Variants in HACL2 observed in about 807,000 individuals in gnomAD.
HACL2 encodes 2-hydroxyacyl-CoA lyase 2.
At chr19:15,116,310 G>A in the HACL2 span, 2 of 1,613,804 alleles carry the variant, frequency 1.2e-6, no homozygotes, top group African/African-American at 1.3e-5. Context: ...CACAGGCATC[G>A]CTGCCTTCTC....
chr19:15,123,399 C>T, the HACL2 span: 74 of 1,613,888 alleles, frequency 4.6e-5, no homozygotes, highest in Middle Eastern at 1.6e-4. This position sits in a 1 kb window ranked among gnomAD's most constrained non-coding sequence, Gnocchi z 5.1. Flanking sequence ...ATAGCATCAG[C>T]AGCAAAGACG....
the HACL2 span, chr19:15,115,263 T>C: frequency 6.2e-7 from 1 of 1,614,048 alleles, no homozygotes; most frequent in Non-Finnish European, 8.5e-7. Flanking sequence ...TATACAGCAA[T>C]GGAGCCATCG....
the HACL2 span, chr19:15,123,004 A>G: frequency 1.2e-6 from 2 of 1,603,600 alleles, no homozygotes; most frequent in Non-Finnish European, 1.7e-6. The surrounding 1 kb of genome is among the most constrained non-coding windows in gnomAD (Gnocchi z 5.1). Flanking sequence ...GGGACAGCTG[A>G]TCAACAGCCT....
chr19:15,115,866 G>A, the HACL2 span: 1 of 1,614,146 alleles, frequency 6.2e-7, no homozygotes. Flanking sequence ...TCTGACGAAT[G>A]TATCAAATTC....
At chr19:15,125,018 G>GA in the HACL2 span, 1 of 1,582,226 alleles carries the variant, frequency 6.3e-7, no homozygotes, top group Non-Finnish European at 8.6e-7. Context: ...GGAAGGAGGG[G>GA]AATAAGCTCC....
the HACL2 span, chr19:15,119,337 C>G: frequency 6.2e-7 from 1 of 1,603,828 alleles, no homozygotes; most frequent in Non-Finnish European, 8.5e-7. Context: ...TCAGTGTGGC[C>G]GGGGCCTCCC....
the HACL2 span, chr19:15,125,375 C>G: frequency 2.9e-6 from 1 of 350,532 alleles, no homozygotes; most frequent in Non-Finnish European, 5.2e-6. Context: ...TTATCTTCCA[C>G]TTACCTACTT....
At chr19:15,122,764 G>T in the HACL2 span, 1 of 1,614,110 alleles carries the variant, frequency 6.2e-7, no homozygotes, top group South Asian at 1.1e-5. The surrounding 1 kb of genome is among the most constrained non-coding windows in gnomAD (Gnocchi z 4.0). Context: ...CCATGAAGTA[G>T]GGGTACAGCA....
the HACL2 span, chr19:15,123,909 A>C: frequency 2.8e-6 from 1 of 363,624 alleles, no homozygotes; most frequent in African/African-American, 2.0e-5. This position sits in a 1 kb window ranked among gnomAD's most constrained non-coding sequence, Gnocchi z 5.1. Context: ...GGGAGAGAGG[A>C]GAGGGTTATA....
chr19:15,120,092 G>C, the HACL2 span: 26 of 1,517,330 alleles, frequency 1.7e-5, no homozygotes, highest in African/African-American at 3.0e-4. Flanking sequence ...CTGCAAAAGG[G>C]AGGGGGAAGA....
the HACL2 span, chr19:15,119,894 C>A: frequency 2.2e-6 from 2 of 899,248 alleles, no homozygotes; most frequent in Admixed American, 5.8e-5. Context: ...AGATTAAGGC[C>A]CCAGTACTGA....
chr19:15,116,738 G>A, the HACL2 span: 2 of 567,796 alleles, frequency 3.5e-6, no homozygotes, highest in Non-Finnish European at 3.1e-6. Context: ...CAAGGCCCAA[G>A]AAACAAGGGT....
the HACL2 span, chr19:15,116,664 A>G: frequency 1.6e-6 from 1 of 638,804 alleles, no homozygotes; most frequent in Non-Finnish European, 2.7e-6. Flanking sequence ...CTAGAAAAAA[A>G]ACAGGTGAAA....
the HACL2 span, chr19:15,123,376 G>C: frequency 1.2e-6 from 2 of 1,612,998 alleles, no homozygotes; most frequent in African/African-American, 2.7e-5. The surrounding 1 kb of genome is among the most constrained non-coding windows in gnomAD (Gnocchi z 5.1). Flanking sequence ...TGCCCTCACC[G>C]GACAGGCGGG....
At chr19:15,115,982 C>G in the HACL2 span, 853 of 1,614,004 alleles carry the variant, frequency 5.3e-4, no homozygotes, top group Non-Finnish European at 6.8e-4. Flanking sequence ...CAGCAAGTCT[C>G]CCAACTCCAG....
At chr19:15,115,315 G>C in the HACL2 span, 8 of 1,614,078 alleles carry the variant, frequency 5.0e-6, no homozygotes, top group Admixed American at 3.3e-5. Flanking sequence ...CCACAACCGG[G>C]TGGCCGTCTC....
At chr19:15,119,423 C>T in the HACL2 span, 1 of 1,614,172 alleles carries the variant, frequency 6.2e-7, no homozygotes, top group Non-Finnish European at 8.5e-7. Flanking sequence ...CTCACCGAAG[C>T]TTGTCGGCAG....
chr19:15,119,250 C>T, the HACL2 span: 5 of 1,610,080 alleles, frequency 3.1e-6, no homozygotes, highest in South Asian at 1.1e-5. Context: ...CCTAACAGCC[C>T]CCGTGCCATC....
the HACL2 span, chr19:15,124,225 G>A: frequency 1.3e-5 from 2 of 155,198 alleles, no homozygotes; most frequent in African/African-American, 2.4e-5. Context: ...AAGTCCTGAA[G>A]GTCAGTGGCA....
Sources: allele counts gnomAD v4.1 joint callset, GRCh38; gene constraint gnomAD v4.1.1; non-coding constraint Gnocchi (gnomAD v3.1); transcripts MANE v1.5; gene names NCBI Gene and HGNC (gene_info 2026-07-23, HGNC 2026-07-21).